Variants in DPP10 observed in about 807,000 individuals in gnomAD.
DPP10 encodes the protein inactive dipeptidyl peptidase 10.
DPP10 carries 33 observed loss-of-function variants against 120.9 expected under a neutral mutation model. That is an observed-to-expected ratio of 0.27 (90% CI 0.21 to 0.37). The LOEUF is 0.37. Ranked by LOEUF, DPP10 falls within the 10% of genes least tolerant of loss-of-function variation. DPP10 has a pLI of 1.00. For synonymous variants in DPP10, 337 were observed against 326.1 expected (o/e 1.03, Z -0.36); for missense variants, 816 against 942.8 (o/e 0.87, Z 1.76).
intron 1 of DPP10, among the ~76,000 whole-genome samples, chr2:114,675,021 A>G (rs1004675635): frequency 6.6e-6 from 1 of 152,170 alleles, no homozygotes; most frequent in African/African-American, 2.4e-5. Flanking sequence ...GTGTTCATAA[A>G]AAGAGTCTTT....
chr2:115,221,754 G>GTTT lies in DPP10; in HGVS notation c.61-87462_61-87460dup, dbSNP rs56077672. On this transcript the variant is annotated intron_variant, in intron 1 of 25. Transcript: ENST00000410059. ...CTTTGAGGCTTTCATGTTTGTTTCT[G>GTTT]TTTTTTTTTTTTTTTTTTTTTTTTT... Among the ~76,000 whole-genome samples the GTTT allele has an allele frequency of 2.0e-3, 245 of 120,062 alleles. 12 individuals carry two copies. The highest frequency in any genetic ancestry group is 2.7e-3 in the Non-Finnish European group (160 of 59,306). The allele number at this position is 120,062 out of a possible 152,430, so 78.8% of individuals were successfully genotyped here.
At chr2:114,859,029 T>A (rs1297067469) in intron 1 of DPP10, among the ~76,000 whole-genome samples, 1 of 151,820 alleles carries the variant, frequency 6.6e-6, no homozygotes, top group Non-Finnish European at 1.5e-5. Flanking sequence ...GATAACTAGT[T>A]GAGAAATAAA....
intron 1 of DPP10, among the ~76,000 whole-genome samples, chr2:114,721,067 C>A (rs987676430): frequency 1.3e-5 from 2 of 152,226 alleles, no homozygotes; most frequent in Non-Finnish European, 2.9e-5. Flanking sequence ...CACAGCATAA[C>A]CTATCCCACC....
At chr2:115,469,469 T>C (rs1380365413) in intron 3 of DPP10, among the ~76,000 whole-genome samples, 1 of 152,182 alleles carries the variant, frequency 6.6e-6, no homozygotes, top group Non-Finnish European at 1.5e-5. Context: ...ATATTTAGAG[T>C]GTGCTGCCTC....
intron 1 of DPP10, among the ~76,000 whole-genome samples, chr2:115,294,838 G>A (rs1399933669): frequency 6.6e-6 from 1 of 152,012 alleles, no homozygotes; most frequent in African/African-American, 2.4e-5. Flanking sequence ...TTTTACAGGA[G>A]GGAGAGGCAT....
At chr2:114,533,375 T>C (rs1215810208) in intron 1 of DPP10, among the ~76,000 whole-genome samples, 1 of 152,150 alleles carries the variant, frequency 6.6e-6, no homozygotes, top group Non-Finnish European at 1.5e-5. Context: ...GAGCTCATAT[T>C]TGAGTCACTT....
intron 1 of DPP10, among the ~76,000 whole-genome samples, chr2:115,208,637 C>G (rs1220958722): frequency 1.3e-5 from 2 of 152,054 alleles, no homozygotes; most frequent in African/African-American, 2.4e-5. Context: ...CACTTATGTT[C>G]CAGGGACTGT....
chr2:115,389,841 A>G (rs1014519864), intron 3 of DPP10, among the ~76,000 whole-genome samples: 1 of 152,184 alleles, frequency 6.6e-6, no homozygotes, highest in Non-Finnish European at 1.5e-5. Context: ...AATTTATAGA[A>G]TTATTCAACC....
intron 1 of DPP10, among the ~76,000 whole-genome samples, chr2:115,027,194 C>T (rs540882591): frequency 2.4e-4 from 36 of 152,092 alleles, no homozygotes; most frequent in African/African-American, 5.5e-4. Context: ...TTGTATCCTG[C>T]GACTTTACTG....
chr2:115,585,214 A>C (rs1430657571), intron 5 of DPP10, among the ~76,000 whole-genome samples: 1 of 152,312 alleles, frequency 6.6e-6, no homozygotes, highest in East Asian at 1.9e-4. Flanking sequence ...AGTAGATGTG[A>C]GCTAAGAAGT....
intron 3 of DPP10, among the ~76,000 whole-genome samples, chr2:115,370,380 T>C (rs2065330440): frequency 6.6e-6 from 1 of 152,062 alleles, no homozygotes; most frequent in Non-Finnish European, 1.5e-5. Flanking sequence ...CCATGAAGAA[T>C]TGACAGCTTG....
At chr2:115,539,099 C>T (rs1353694496) in intron 5 of DPP10, among the ~76,000 whole-genome samples, 2 of 151,684 alleles carry the variant, frequency 1.3e-5, no homozygotes, top group Non-Finnish European at 2.9e-5. Context: ...GTGGATATAT[C>T]AGTGTTCTAA....
intron 1 of DPP10, among the ~76,000 whole-genome samples, chr2:115,169,475 A>T (rs1195675240): frequency 6.6e-6 from 1 of 152,150 alleles, no homozygotes; most frequent in Non-Finnish European, 1.5e-5. Context: ...TCTAAATGCT[A>T]TGGATCTTTT....
intron 1 of DPP10, among the ~76,000 whole-genome samples, chr2:114,483,320 G>A (rs149450649): frequency 4.6e-5 from 7 of 152,128 alleles, no homozygotes; most frequent in Non-Finnish European, 8.8e-5. Flanking sequence ...AGAAAACACA[G>A]TGTACATCTG....
chr2:115,254,420 A>G (rs1366265708), intron 1 of DPP10, among the ~76,000 whole-genome samples: 1 of 152,180 alleles, frequency 6.6e-6, no homozygotes, highest in South Asian at 2.1e-4. Flanking sequence ...CTATAATTCA[A>G]GATGAGATTT....
At chr2:114,758,957 C>T (rs557942092) in intron 1 of DPP10, among the ~76,000 whole-genome samples, 3 of 152,206 alleles carry the variant, frequency 2.0e-5, no homozygotes, top group African/African-American at 7.2e-5. Flanking sequence ...AACCTGTGGT[C>T]CTTTTAGCTA....
intron 21 of DPP10, among the ~76,000 whole-genome samples, chr2:115,820,146 T>C (rs1687661303): frequency 6.6e-6 from 1 of 152,242 alleles, no homozygotes; most frequent in Non-Finnish European, 1.5e-5. Flanking sequence ...GAACTTTTCT[T>C]ATTATTTTTA....
chr2:114,932,092 G>A (rs111777427), intron 1 of DPP10, among the ~76,000 whole-genome samples: 15 of 152,110 alleles, frequency 9.9e-5, no homozygotes, highest in Admixed American at 8.5e-4. Context: ...ATTAAGTGTC[G>A]TCCCCAGAAA....
intron 1 of DPP10, among the ~76,000 whole-genome samples, chr2:114,664,617 A>G (rs1697753683): frequency 7.5e-6 from 1 of 133,056 alleles, no homozygotes; most frequent in African/African-American, 3.0e-5. Context: ...TGACAGCGAG[A>G]CTCCGTCTCA....
Sources: allele counts gnomAD v4.1 joint callset (sites outside exome capture counted in the v4.1 genomes callset), GRCh38; gene constraint gnomAD v4.1.1; transcripts MANE v1.5; gene names NCBI Gene and HGNC (gene_info 2026-07-23, HGNC 2026-07-21).